The following SATB2 variants were observed in gnomAD, a reference collection of about 807,000 sequenced individuals.
SATB2 encodes SATB homeobox 2.
SATB2 carries 1 observed loss-of-function variant against 73.4 expected under a neutral mutation model. The observed-to-expected ratio is 0.01, with a 90% CI of 0.00 to 0.06. SATB2 has a LOEUF of 0.06. SATB2 is among the 10% of genes least tolerant of loss of function. The probability of loss-of-function intolerance (pLI) is 1.00; values close to 1 mark genes in which losing one functional copy is unlikely to be tolerated. For synonymous variants in SATB2, 397 were observed against 367.0 expected (o/e 1.08, Z -0.93); for missense variants, 459 against 945.8 (o/e 0.49, Z 6.75).
intron 2 of SATB2, among the ~76,000 whole-genome samples, chr2:199,443,986 C>T (rs1691894592): frequency 1.3e-5 from 2 of 152,084 alleles, no homozygotes; most frequent in South Asian, 2.1e-4. Context: ...ACCAGGGAAA[C>T]CAGGGTCTGA....
intron 9 of SATB2, among the ~76,000 whole-genome samples, chr2:199,320,159 G>C (rs967302925): frequency 6.6e-6 from 1 of 152,186 alleles, no homozygotes; most frequent in Non-Finnish European, 1.5e-5. Context: ...TTCGCTCCCT[G>C]GTGGCCCTTT....
At chr2:199,372,380 AT>A (rs1424578078) in intron 5 of SATB2, among the ~76,000 whole-genome samples, 1 of 152,202 alleles carries the variant, frequency 6.6e-6, no homozygotes, top group Non-Finnish European at 1.5e-5. Context: ...AAATTTTATA[AT>A]ATTGGTATTT....
chr2:199,324,750 C>T (rs1687984972), intron 8 of SATB2, among the ~76,000 whole-genome samples: 1 of 152,104 alleles, frequency 6.6e-6, no homozygotes, highest in Non-Finnish European at 1.5e-5. Flanking sequence ...ACGGTCATAA[C>T]ATTTACTTGG....
rs371285451 is a variant in SATB2, at chr2:199,430,931, G to C, written c.346+2407C>G. Among the ~76,000 whole-genome samples, 451 of 152,286 alleles carry C rather than the reference G, an allele frequency of 3.0e-3. 27 individuals carry two copies. The South Asian group carries it at 0.09, about 30-fold the overall frequency. Reference sequence around the variant, plus strand: ...ATATTTCAAGAGTCTTGATTTTTAAGATGGCTAAAGCAACCCACTATCCTT... The same window carrying C: ...ATATTTCAAGAGTCTTGATTTTTAACATGGCTAAAGCAACCCACTATCCTT... On this transcript the variant is annotated intron_variant, in intron 3 of 10. Transcript: ENST00000417098.
At position 199,270,358 on chromosome 2, in the gene SATB2, T is replaced by C. The variant is rs1033128109; in HGVS notation, c.*1853A>G. On this transcript the variant is annotated 3_prime_UTR_variant, in exon 11 of 11. Coordinates refer to ENST00000417098, the MANE Select transcript of SATB2 (RefSeq NM_001172509.2). ...TAAGTTCTGAGTTAATATCTACACA[T>C]AGAGGTTTTTTTTTTAACTCCTACC... is the stretch of plus-strand genomic sequence containing the variant. 6.6e-6 allele frequency: 1 copy of C among 152,548 alleles called. No individual in the cohort carries two copies. Among genetic ancestry groups the C allele is most frequent in the African/African-American group, 2.4e-5 (1 of 41,424 alleles). 9.4% of individuals were successfully genotyped at this position (152,548 alleles called of 1,614,324 possible). A position where few individuals can be genotyped will look rare whatever the true frequency, so the allele number is the denominator to read the frequency against.
intron 2 of SATB2, among the ~76,000 whole-genome samples, chr2:199,452,327 C>T (rs191832594): frequency 2.6e-5 from 4 of 152,252 alleles, no homozygotes; most frequent in Non-Finnish European, 5.9e-5. Flanking sequence ...TATTAAAGCA[C>T]AACTGGCCAG....
intron 2 of SATB2, among the ~76,000 whole-genome samples, chr2:199,434,007 A>C (rs1691581389): frequency 6.6e-6 from 1 of 152,036 alleles, no homozygotes; most frequent in South Asian, 2.1e-4. Context: ...AATATATTTC[A>C]AAGCTTCCAG....
intron 6 of SATB2, among the ~76,000 whole-genome samples, chr2:199,356,644 C>T (rs1299258407): frequency 6.6e-6 from 1 of 152,120 alleles, no homozygotes; most frequent in Non-Finnish European, 1.5e-5. Flanking sequence ...TGCTGGCTCT[C>T]GCCTCGTAAT....
At chr2:199,357,646 C>G (rs1313337463) in intron 6 of SATB2, among the ~76,000 whole-genome samples, 9 of 152,026 alleles carry the variant, frequency 5.9e-5, no homozygotes, top group Admixed American at 4.6e-4. Flanking sequence ...AGTTTATTAG[C>G]AATTCATTCC....
chr2:199,335,462 C>T (rs17197938), intron 7 of SATB2, among the ~76,000 whole-genome samples: 25,180 of 152,166 alleles, frequency 0.17, 2,793 homozygotes, highest in Non-Finnish European at 0.24. Context: ...TGAACCAAAA[C>T]AGCAATAGTT....
intron 6 of SATB2, among the ~76,000 whole-genome samples, chr2:199,367,356 C>T (rs1164400280): frequency 6.6e-6 from 1 of 152,106 alleles, no homozygotes; most frequent in Admixed American, 6.6e-5. Context: ...TTTCAGTGTA[C>T]TTAATTTCTC....
rs186623285 is a variant in SATB2 at position 199,411,822 on chromosome 2, A to G, written c.346+21516T>C. On this transcript the variant is annotated intron_variant, in intron 3 of 10. Coordinates refer to ENST00000417098, the MANE Select transcript of SATB2 (RefSeq NM_001172509.2). ...CACTGTGTTAACAACTGTTACAAAG[A>G]TAAGTGTTATAGGGGCATAAAGAAG... Among the ~76,000 whole-genome samples the G allele has an allele frequency of 4.6e-5, 7 of 152,352 alleles. No individual in the cohort carries two copies. In the East Asian group the frequency reaches 1.2e-3, roughly 25 times the overall value.
chr2:199,367,848 G>A (rs1450322945), intron 6 of SATB2, among the ~76,000 whole-genome samples: 1 of 152,048 alleles, frequency 6.6e-6, no homozygotes, highest in Non-Finnish European at 1.5e-5. Flanking sequence ...GTCCTGACAT[G>A]TTTAAAAGTC....
intron 3 of SATB2, among the ~76,000 whole-genome samples, chr2:199,386,440 T>C (rs1039764639): frequency 2.0e-5 from 3 of 152,176 alleles, no homozygotes; most frequent in Admixed American, 1.3e-4. Context: ...CAACAGCCTC[T>C]TCCTGGCTTC....
chr2:199,335,006 T>C (rs533102829), intron 7 of SATB2, among the ~76,000 whole-genome samples: 1 of 152,032 alleles, frequency 6.6e-6, no homozygotes, highest in African/African-American at 2.4e-5. Flanking sequence ...TGAAATTCAT[T>C]TGTGTAATGC....
At chr2:199,466,433 T>G (rs1692594331), upstream of SATB2, among the ~76,000 whole-genome samples, 1 of 152,202 alleles carries the variant, frequency 6.6e-6, no homozygotes, top group Non-Finnish European at 1.5e-5. Flanking sequence ...TTGCTATCTC[T>G]GAGCTCTTGG....
At chr2:199,346,855 T>A (rs1688664398) in intron 7 of SATB2, 1 of 140,696 alleles carries the variant, frequency 7.1e-6, no homozygotes, top group Non-Finnish European at 1.5e-5. Context: ...AGTTTTCACT[T>A]AACTTTTTTT....
chr2:199,435,231 C>G (rs1235537148), intron 2 of SATB2, among the ~76,000 whole-genome samples: 1 of 151,992 alleles, frequency 6.6e-6, no homozygotes, highest in Non-Finnish European at 1.5e-5. Context: ...CTACACAATG[C>G]CTTGTAAGAT....
At chr2:199,323,486 C>T (rs1478006990) in intron 9 of SATB2, among the ~76,000 whole-genome samples, 1 of 147,364 alleles carries the variant, frequency 6.8e-6, no homozygotes, top group Non-Finnish European at 1.5e-5. Context: ...TACACACACA[C>T]ACACACACAC....
Sources: allele counts gnomAD v4.1 joint callset (sites outside exome capture counted in the v4.1 genomes callset), GRCh38; gene constraint gnomAD v4.1.1; transcripts MANE v1.5; gene names NCBI Gene and HGNC (gene_info 2026-07-23, HGNC 2026-07-21).